Variants in MGRN1 observed in about 807,000 individuals in gnomAD.
MGRN1 encodes E3 ubiquitin-protein ligase MGRN1.
MGRN1 carries 29 observed loss-of-function variants against 69.2 expected under a neutral mutation model. The ratio of observed to expected loss-of-function variants is 0.42; its 90% CI spans 0.31 to 0.57. MGRN1 has a LOEUF of 0.57. MGRN1 is among the 20% of genes least tolerant of loss of function. The probability of loss-of-function intolerance (pLI) is 0.15; values close to 1 mark genes in which losing one functional copy is unlikely to be tolerated. For synonymous variants in MGRN1, 470 were observed against 344.2 expected, an observed-to-expected ratio of 1.37 and a Z score of -4.04; for missense variants, 998 against 796.2, an observed-to-expected ratio of 1.25 and a Z score of -3.05.
chr16:4,657,664 G>T, intron 5 of MGRN1, among the ~76,000 whole-genome samples: 1 of 152,160 alleles, frequency 6.6e-6, no homozygotes, highest in Non-Finnish European at 1.5e-5. Context: ...AGCAATGCAG[G>T]GTCTGTTCAC....
At chr16:4,687,578 TACACACACACACACAC>T (rs60384408) in intron 16 of MGRN1, 2 of 931,900 alleles carry the variant, frequency 2.1e-6, no homozygotes, top group African/African-American at 2.1e-5. Context: ...AAAAAAAAAA[TACACACACACACACAC>T]ACACACACAC....
intron 1 of MGRN1, chr16:4,639,650 C>T (rs1567176169): frequency 6.6e-6 from 1 of 152,322 alleles, no homozygotes; most frequent in Non-Finnish European, 1.5e-5. Flanking sequence ...TGTGGATCCA[C>T]ACATGGTCCC....
At chr16:4,627,587 A>G (rs1279343109) in intron 1 of MGRN1, among the ~76,000 whole-genome samples, 3 of 151,814 alleles carry the variant, frequency 2.0e-5, no homozygotes, top group Non-Finnish European at 4.4e-5. Flanking sequence ...GGAGATGGAG[A>G]CCATCCTGGC....
intron 1 of MGRN1, among the ~76,000 whole-genome samples, chr16:4,632,812 G>T (rs1454272022): frequency 6.6e-6 from 1 of 152,186 alleles, no homozygotes; most frequent in South Asian, 2.1e-4. Context: ...GCCAGGCGTG[G>T]TGGCTCACAT....
intron 1 of MGRN1, among the ~76,000 whole-genome samples, chr16:4,646,371 A>C (rs771109864): frequency 2.6e-5 from 4 of 151,794 alleles, no homozygotes; most frequent in Non-Finnish European, 5.9e-5. Context: ...CCAAGGCTGC[A>C]GTGATCGTGC....
intron 9 of MGRN1, 66 bp downstream of exon 9, chr16:4,671,525 G>A: frequency 6.8e-7 from 1 of 1,471,936 alleles, no homozygotes; most frequent in Non-Finnish European, 9.5e-7. Flanking sequence ...GCCGCGGACA[G>A]CAATGCTTGC....
At chr16:4,642,911 C>G (rs953391547) in intron 1 of MGRN1, among the ~76,000 whole-genome samples, 2 of 151,926 alleles carry the variant, frequency 1.3e-5, no homozygotes, top group Admixed American at 6.6e-5. Context: ...CTCAGCCTCC[C>G]GAGTACCTTG....
rs192968155 is a variant in MGRN1, at chr16:4,642,267, A to C, written c.89-8098A>C. Among the ~76,000 whole-genome samples, 285 of 151,362 alleles carry C rather than the reference A, an allele frequency of 1.9e-3. 1 individual carries two copies. Among genetic ancestry groups the C allele is most frequent in the African/African-American group, 6.6e-3 (273 of 41,184 alleles). ...TGTCTCAGCCTCCCGAGTAGTGGGG[A>C]TTACAGGCATGAGCTAATTTTTGTA... On this transcript the variant is annotated intron_variant, in intron 1 of 16. Transcript: ENST00000262370.
At chr16:4,683,025 A>G in intron 14 of MGRN1, 79 bp downstream of exon 14, 1 of 1,484,370 alleles carries the variant, frequency 6.7e-7, no homozygotes, top group Non-Finnish European at 9.0e-7. Flanking sequence ...ATCAGACCCC[A>G]TCCCACTGCC....
At chr16:4,642,932 A>G (rs1272625480) in intron 1 of MGRN1, among the ~76,000 whole-genome samples, 1 of 151,668 alleles carries the variant, frequency 6.6e-6, no homozygotes, top group African/African-American at 2.4e-5. Flanking sequence ...GACTGCAAGT[A>G]CGCATCACCG....
intron 1 of MGRN1, among the ~76,000 whole-genome samples, chr16:4,629,064 C>T (rs1409880707): frequency 1.3e-5 from 2 of 151,282 alleles, no homozygotes; most frequent in Admixed American, 6.6e-5. Context: ...TTCGAACTCC[C>T]GACCTCAGGT....
Position 4,673,588 on chromosome 16 carries a change from C to T in MGRN1, c.886C>T (p.Leu296=), listed in dbSNP as rs2078988874. The T allele has an allele frequency of 6.2e-7, 1 of 1,613,878 alleles. No individual in the cohort carries two copies. Among genetic ancestry groups the T allele is most frequent in the Non-Finnish European group, 8.5e-7 (1 of 1,179,988 alleles). ...CACGCTGATCCTGCCCTGCCGCCACCTGTGCCTCTGTACCTCCTGCGCCGA... is the reference window on the plus strand; with the variant it reads ...CACGCTGATCCTGCCCTGCCGCCACTTGTGCCTCTGTACCTCCTGCGCCGA... ...RDTLILPCRH[L]CLCTSCADTL... The change falls in exon 10 of 17, where the codon CTG becomes TTG. Residue 296 remains leucine, a synonymous_variant. Coordinates refer to ENST00000262370, the MANE Select transcript of MGRN1 (RefSeq NM_015246.4).
intron 16 of MGRN1, among the ~76,000 whole-genome samples, chr16:4,685,669 G>GA: frequency 6.6e-6 from 1 of 152,366 alleles, no homozygotes; most frequent in Middle Eastern, 3.4e-3. Context: ...GTCAGCACAG[G>GA]TTTCTGTGTG....
intron 1 of MGRN1, among the ~76,000 whole-genome samples, chr16:4,630,754 A>C (rs1291896622): frequency 1.4e-5 from 2 of 148,030 alleles, no homozygotes; most frequent in Non-Finnish European, 3.0e-5. Context: ...CTTTTCTAGA[A>C]GTTTTATAGT....
intron 1 of MGRN1, among the ~76,000 whole-genome samples, chr16:4,634,166 A>G (rs530868256): frequency 6.6e-6 from 1 of 152,174 alleles, no homozygotes; most frequent in Non-Finnish European, 1.5e-5. Context: ...GTTTTGCTCA[A>G]TGGGGCCCCA....
At chr16:4,629,997 C>T (rs1897915022) in intron 1 of MGRN1, among the ~76,000 whole-genome samples, 1 of 149,132 alleles carries the variant, frequency 6.7e-6, no homozygotes, top group Admixed American at 6.7e-5. Context: ...TTGCAGTGAG[C>T]CAAGATCATG....
intron 5 of MGRN1, among the ~76,000 whole-genome samples, chr16:4,663,558 T>C (rs1479036240): frequency 6.6e-6 from 1 of 152,152 alleles, no homozygotes; most frequent in African/African-American, 2.4e-5. Flanking sequence ...AACAGATGCA[T>C]GTGTCCATTG....
At chr16:4,679,543 ATGG>A (rs1389578220) in intron 11 of MGRN1, among the ~76,000 whole-genome samples, 1 of 131,334 alleles carries the variant, frequency 7.6e-6, no homozygotes, top group Non-Finnish European at 1.6e-5. Context: ...CCTAAAGATG[ATGG>A]TGGGGTGGGT....
chr16:4,668,023 T>A (rs1359217237), intron 7 of MGRN1, among the ~76,000 whole-genome samples: 1 of 151,950 alleles, frequency 6.6e-6, no homozygotes, highest in Non-Finnish European at 1.5e-5. Flanking sequence ...CAGCAGAGGG[T>A]CCCCGGGCTG....
Sources: allele counts gnomAD v4.1 joint callset (sites outside exome capture counted in the v4.1 genomes callset), GRCh38; gene constraint gnomAD v4.1.1; transcripts MANE v1.5; gene names NCBI Gene and HGNC (gene_info 2026-07-23, HGNC 2026-07-21).